The following KIDINS220 variants were observed in gnomAD, a reference collection of about 807,000 sequenced individuals.
The protein encoded by KIDINS220 is kinase D-interacting substrate of 220 kDa.
In KIDINS220, 63 loss-of-function variants were observed where a neutral mutation model predicts 157.6. The observed-to-expected ratio is 0.40, with a 90% confidence interval of 0.33 to 0.49. The LOEUF is 0.49. Ranked by LOEUF, KIDINS220 falls within the 20% of genes least tolerant of loss-of-function variation. The probability of loss-of-function intolerance (pLI) is 0.66; values close to 1 mark genes in which losing one functional copy is unlikely to be tolerated. For missense variants in KIDINS220, 1,772 were observed against 2,171.2 expected, an observed-to-expected ratio of 0.82 and a Z score of 3.65; for synonymous variants, 732 against 783.6, an observed-to-expected ratio of 0.93 and a Z score of 1.10.
intron 17 of KIDINS220, among the ~76,000 whole-genome samples, chr2:8,781,176 C>T (rs6732302): frequency 0.39 from 37,927 of 97,148 alleles, 5,267 homozygotes; most frequent in Middle Eastern, 0.51. Flanking sequence ...TAAAGGGGGG[C>T]ATTACATAAC....
chr2:8,774,893 G>A (rs1670753732), intron 21 of KIDINS220, among the ~76,000 whole-genome samples: 1 of 152,130 alleles, frequency 6.6e-6, no homozygotes, highest in African/African-American at 2.4e-5. Context: ...GTTGCCGTAT[G>A]GAGAATAGGC....
At chr2:8,809,392 G>A (rs1240630530) in intron 6 of KIDINS220, among the ~76,000 whole-genome samples, 1 of 151,878 alleles carries the variant, frequency 6.6e-6, no homozygotes, top group Non-Finnish European at 1.5e-5. Context: ...TATATTGACT[G>A]TCCCTTCCAA....
intron 22 of KIDINS220, among the ~76,000 whole-genome samples, chr2:8,754,766 A>T (rs560861798): frequency 1.3e-5 from 2 of 152,348 alleles, no homozygotes; most frequent in South Asian, 4.1e-4. Context: ...AAAGATTTCT[A>T]TTTTAAATCA....
At chr2:8,806,770 C>T (rs1371663345) in intron 6 of KIDINS220, among the ~76,000 whole-genome samples, 5 of 152,058 alleles carry the variant, frequency 3.3e-5, no homozygotes, top group East Asian at 3.9e-4. Flanking sequence ...TCAGTAGAGA[C>T]GGGTTTTGCC....
chr2:8,813,200 A>C (rs1676570426), intron 5 of KIDINS220, 37 bp downstream of exon 5: 1 of 1,455,856 alleles, frequency 6.9e-7, no homozygotes, highest in East Asian at 2.3e-5. Context: ...AAAACTTACC[A>C]CTTATAATAC....
intron 2 of KIDINS220, among the ~76,000 whole-genome samples, chr2:8,820,028 A>T (rs1312539290): frequency 6.6e-6 from 1 of 152,170 alleles, no homozygotes; most frequent in Non-Finnish European, 1.5e-5. Context: ...TGCCCACCTG[A>T]CATTATTCCT....
At chr2:8,772,699 A>G (rs1432550394) in intron 21 of KIDINS220, among the ~76,000 whole-genome samples, 3 of 152,212 alleles carry the variant, frequency 2.0e-5, no homozygotes, top group Admixed American at 2.0e-4. Flanking sequence ...AACAAATTTG[A>G]AATAAAGTAC....
At chr2:8,815,651 A>T (rs1258396641) in intron 4 of KIDINS220, among the ~76,000 whole-genome samples, 1 of 152,198 alleles carries the variant, frequency 6.6e-6, no homozygotes. Flanking sequence ...ACTGGGCAAC[A>T]GAGCGAGACT....
intron 1 of KIDINS220, among the ~76,000 whole-genome samples, chr2:8,829,406 T>C (rs954471687): frequency 3.9e-5 from 6 of 152,222 alleles, no homozygotes; most frequent in Non-Finnish European, 8.8e-5. Flanking sequence ...TTTTAAAAAA[T>C]GATGTTATTT....
At chr2:8,727,717 G>A (rs62104369), downstream of KIDINS220, among the ~76,000 whole-genome samples, 10,680 of 152,176 alleles carry the variant, frequency 0.07, 520 homozygotes, top group Non-Finnish European at 0.11. Flanking sequence ...AAAATTACTT[G>A]GCTAGGCAAT....
At chr2:8,798,054 G>A in intron 10 of KIDINS220, 148 bp downstream of exon 10, 1 of 553,726 alleles carries the variant, frequency 1.8e-6, no homozygotes. Flanking sequence ...AATCCTGAAA[G>A]GATACAAAGT....
chr2:8,770,235 C>T (rs1009286633), intron 22 of KIDINS220, among the ~76,000 whole-genome samples: 1 of 152,004 alleles, frequency 6.6e-6, no homozygotes, highest in African/African-American at 2.4e-5. Flanking sequence ...AAGTCCCCGC[C>T]TCTACAAAAA....
Position 8,796,812 on chromosome 2 carries a change from G to A in KIDINS220, c.1057C>T (p.Leu353=). 2 of 1,614,152 alleles carry A rather than the reference G, an allele frequency of 1.2e-6. No individual in the cohort carries two copies. The highest frequency in any genetic ancestry group is 1.3e-5 in the African/African-American group (1 of 75,028). The stretch of plus-strand genomic sequence containing the variant: ...ACTTTAGCACCTTTATCTAGCAGCA[G>A]CTCCACCACTTCAATGTTTCTCATC... ...TKMRNIEVVE[L]LLDKGAKVSA... The change falls in exon 11 of 30, where the codon CTG becomes TTG. Residue 353 remains leucine (L), a synonymous_variant. Coordinates refer to ENST00000256707, the MANE Select transcript of KIDINS220 (RefSeq NM_020738.4).
At chr2:8,826,911 A>G (rs1234834547) in intron 2 of KIDINS220, 75 bp downstream of exon 2, 7 of 741,626 alleles carry the variant, frequency 9.4e-6, no homozygotes, top group African/African-American at 8.6e-5. Flanking sequence ...TATTTCTTAC[A>G]CACTTCTATC....
intron 18 of KIDINS220, among the ~76,000 whole-genome samples, chr2:8,779,426 A>G (rs1234534741): frequency 1.3e-5 from 2 of 152,258 alleles, no homozygotes; most frequent in Non-Finnish European, 2.9e-5. Context: ...ATTCATGAAT[A>G]CAGATGCTCT....
In KIDINS220 at chr2:8,813,816, C is replaced by T. The variant is rs191192011; in HGVS notation, c.307-481G>A. On this transcript the variant is annotated intron_variant, in intron 4 of 29. Transcript: ENST00000256707. ...GCGTGTGCCTGTAGTCCCAACTATT[C>T]GGGAGGCTGAGGCAGGAGAACCACT... Among the ~76,000 whole-genome samples the T allele has an allele frequency of 4.5e-4, 69 of 151,968 alleles. 1 individual carries two copies. Among genetic ancestry groups the T allele is most frequent in the African/African-American group, 1.0e-3 (42 of 41,444 alleles).
intron 22 of KIDINS220, among the ~76,000 whole-genome samples, chr2:8,767,549 A>C (rs551311905): frequency 6.6e-6 from 1 of 152,288 alleles, no homozygotes; most frequent in Middle Eastern, 3.4e-3. Flanking sequence ...TTCATAACTT[A>C]AGTCCACATG....
intron 24 of KIDINS220, among the ~76,000 whole-genome samples, chr2:8,749,707 G>C (rs1667046367): frequency 6.6e-6 from 1 of 151,938 alleles, no homozygotes; most frequent in Non-Finnish European, 1.5e-5. Flanking sequence ...TTAAGTATAG[G>C]TTTACTAAAC....
chr2:8,743,289 T>C (rs991314219), intron 26 of KIDINS220, among the ~76,000 whole-genome samples: 11 of 152,240 alleles, frequency 7.2e-5, no homozygotes, highest in African/African-American at 2.7e-4. Context: ...TGCATGAATC[T>C]AAACTGATTG....
Sources: allele counts gnomAD v4.1 joint callset (sites outside exome capture counted in the v4.1 genomes callset), GRCh38; gene constraint gnomAD v4.1.1; transcripts MANE v1.5; gene names NCBI Gene and HGNC (gene_info 2026-07-23, HGNC 2026-07-21).